Variants in AFG2B observed in about 807,000 individuals in gnomAD.
The protein encoded by AFG2B is ATPase family gene 2 protein homolog B.
chr15:45,410,433 C>A, the AFG2B span: 1 of 1,613,918 alleles, frequency 6.2e-7, no homozygotes, highest in East Asian at 2.2e-5. Context: ...AATATTCAGC[C>A]CTCATCGTTT....
chr15:45,403,095 C>T, the AFG2B span: 1 of 1,522,786 alleles, frequency 6.6e-7, no homozygotes, highest in Non-Finnish European at 8.8e-7. Context: ...CGCTCCGCTA[C>T]CCGCGCGCCC....
At chr15:45,409,510 A>G in the AFG2B span, among the ~76,000 whole-genome samples, 2 of 152,122 alleles carry the variant, frequency 1.3e-5, no homozygotes, top group African/African-American at 2.4e-5. Context: ...TCAAAATTGT[A>G]TATGTGTGTA....
At chr15:45,411,804 AAAACAATT>A in the AFG2B span, among the ~76,000 whole-genome samples, 2 of 152,148 alleles carry the variant, frequency 1.3e-5, no homozygotes, top group East Asian at 1.9e-4. Flanking sequence ...AAAAAATTAA[AAAACAATT>A]TTGACTGGGC....
the AFG2B span, chr15:45,417,526 A>G: frequency 1.1e-6 from 1 of 909,972 alleles, no homozygotes; most frequent in Non-Finnish European, 1.6e-6. Flanking sequence ...CTTTCATGAC[A>G]TCATAATTTT....
At chr15:45,418,311 TC>T in the AFG2B span, among the ~76,000 whole-genome samples, 4 of 134,744 alleles carry the variant, frequency 3.0e-5, no homozygotes, top group African/African-American at 1.1e-4. Flanking sequence ...GCCAGTGTAC[TC>T]CAGCCTGGGT....
the AFG2B span, among the ~76,000 whole-genome samples, chr15:45,410,998 TCAAGAC>T: frequency 2.0e-5 from 3 of 152,096 alleles, no homozygotes; most frequent in African/African-American, 7.2e-5. Context: ...GGTCAGGAGT[TCAAGAC>T]CAGCCTGGCC....
chr15:45,415,517 ATT>A, the AFG2B span: 1 of 1,209,506 alleles, frequency 8.3e-7, no homozygotes, highest in Non-Finnish European at 1.2e-6. Context: ...AAAAAACAGG[ATT>A]ATAAATAGTA....
chr15:45,405,538 A>C, the AFG2B span: 2 of 1,593,414 alleles, frequency 1.3e-6, no homozygotes, highest in Non-Finnish European at 8.6e-7. Flanking sequence ...CATCTATGTT[A>C]ATCTATTATT....
the AFG2B span, chr15:45,416,911 A>G: frequency 6.3e-6 from 1 of 159,546 alleles, no homozygotes; most frequent in Non-Finnish European, 1.4e-5. Context: ...GTTGGTCATA[A>G]GTATCTGTCT....
the AFG2B span, among the ~76,000 whole-genome samples, chr15:45,411,346 GCT>G: frequency 6.6e-6 from 1 of 152,156 alleles, no homozygotes; most frequent in Non-Finnish European, 1.5e-5. Context: ...ACACATGTTT[GCT>G]CTGTCACCCA....
the AFG2B span, chr15:45,405,350 A>G: frequency 6.2e-7 from 1 of 1,614,176 alleles, no homozygotes; most frequent in Non-Finnish European, 8.5e-7. Flanking sequence ...ACTTAAACAA[A>G]GAAAGGAAAT....
the AFG2B span, chr15:45,414,718 T>C: frequency 2.5e-6 from 4 of 1,614,214 alleles, no homozygotes; most frequent in Non-Finnish European, 3.4e-6. Flanking sequence ...CTCTTTCGTT[T>C]CAGTGAGTGG....
At chr15:45,410,426 A>T in the AFG2B span, 2 of 1,613,976 alleles carry the variant, frequency 1.2e-6, no homozygotes, top group South Asian at 2.2e-5. Flanking sequence ...TTTTAAAAAT[A>T]TTCAGCCCTC....
At chr15:45,414,612 A>C in the AFG2B span, 1 of 1,614,148 alleles carries the variant, frequency 6.2e-7, no homozygotes. Context: ...AATTTGTTAG[A>C]ATGGGCCTGA....
At chr15:45,419,996 C>G in the AFG2B span, among the ~76,000 whole-genome samples, 2 of 84,648 alleles carry the variant, frequency 2.4e-5, 1 homozygote, top group African/African-American at 1.4e-4. Flanking sequence ...TCCCCCCCCC[C>G]CAAAAAAAAA....
the AFG2B span, chr15:45,418,755 G>A: frequency 6.4e-7 from 1 of 1,568,360 alleles, no homozygotes; most frequent in African/African-American, 1.4e-5. Context: ...TCACTCAGCA[G>A]TATTTACTAA....
At chr15:45,403,336 G>C in the AFG2B span, 1 of 1,605,946 alleles carries the variant, frequency 6.2e-7, no homozygotes, top group Non-Finnish European at 8.5e-7. Context: ...CCTCTTCCTG[G>C]ACGAGATGGA....
At chr15:45,418,167 A>T in the AFG2B span, among the ~76,000 whole-genome samples, 2 of 151,930 alleles carry the variant, frequency 1.3e-5, no homozygotes, top group African/African-American at 4.8e-5. Flanking sequence ...AACATGGTGA[A>T]ACCCCATCTC....
chr15:45,421,385 G>A, the AFG2B span: 1 of 414,208 alleles, frequency 2.4e-6, no homozygotes, highest in East Asian at 4.1e-5. Context: ...TTTTTAAAAG[G>A]CATATTAAAT....
Sources: gnomAD v4.1 joint callset for allele counts (sites outside exome capture counted in the v4.1 genomes callset) on GRCh38, gnomAD v4.1.1 for gene constraint, MANE v1.5 for transcripts, NCBI Gene and HGNC (gene_info 2026-07-23, HGNC 2026-07-21) for gene names.